The following HMGCLL1 variants were observed in gnomAD, a reference collection of about 807,000 sequenced individuals.
HMGCLL1 encodes 3-hydroxy-3-methylglutaryl-CoA lyase like 1, also known as 3-hydroxymethyl-3-methylglutaryl-CoA lyase, cytoplasmic.
Under a neutral mutation model 39.1 loss-of-function variants are expected in HMGCLL1, and 36 were observed. The ratio of observed to expected loss-of-function variants is 0.92; its 90% CI spans 0.71 to 1.22. The LOEUF is 1.22. HMGCLL1 is among the 50% of genes most tolerant of loss of function. The probability of loss-of-function intolerance (pLI) is 0.00; values close to 1 mark genes in which losing one functional copy is unlikely to be tolerated. For missense variants in HMGCLL1, 451 were observed against 416.5 expected, an observed-to-expected ratio of 1.08 and a Z score of -0.72; for synonymous variants, 149 against 144.0, an observed-to-expected ratio of 1.03 and a Z score of -0.25.
the HMGCLL1 span, among the ~76,000 whole-genome samples, chr6:55,672,606 T>TGGAATACTTTGCAAATC: frequency 6.6e-6 from 1 of 151,898 alleles, no homozygotes; most frequent in African/African-American, 2.4e-5. Context: ...AAAAGCAAAT[T>TGGAATACTTTGCAAATC]GGAATACTTT....
intron 3 of HMGCLL1, among the ~76,000 whole-genome samples, chr6:55,520,451 A>T (rs988617501): frequency 1.4e-4 from 21 of 151,956 alleles, no homozygotes; most frequent in Non-Finnish European, 1.0e-4. Context: ...TAATGAGGCC[A>T]TTCAAGAAAT....
rs181058375 is a variant in HMGCLL1, at chr6:55,477,650, T to C, written c.795+17769A>G. 4.4e-3 allele frequency among the ~76,000 whole-genome samples: 646 copies of C among 147,170 alleles called. 9 individuals carry two copies. Among genetic ancestry groups the C allele is most frequent in the Middle Eastern group, 0.021 (6 of 290 alleles). ...ATAAGTAAATATATGAGTTACAGTT[T>C]ATATATGTTATATAACCATTGAGAT... On this transcript the variant is annotated intron_variant, in intron 7 of 8. Coordinates refer to ENST00000274901, the MANE Select transcript of HMGCLL1 (RefSeq NM_001042406.2).
At chr6:55,596,696 C>T in the HMGCLL1 span, among the ~76,000 whole-genome samples, 1 of 152,284 alleles carries the variant, frequency 6.6e-6, no homozygotes, top group South Asian at 2.1e-4. Flanking sequence ...AACTATATTT[C>T]TTCATGCATT....
intron 3 of HMGCLL1, among the ~76,000 whole-genome samples, chr6:55,518,715 G>T (rs1457119505): frequency 2.0e-5 from 3 of 152,084 alleles, no homozygotes; most frequent in Non-Finnish European, 4.4e-5. Flanking sequence ...ATGTGAAGAG[G>T]AACTGAGGCC....
At chr6:55,608,371 T>C in the HMGCLL1 span, among the ~76,000 whole-genome samples, 7 of 152,156 alleles carry the variant, frequency 4.6e-5, no homozygotes, top group Non-Finnish European at 1.0e-4. Flanking sequence ...CCAGAGAGAT[T>C]TGTGGATGTT....
At chr6:55,629,740 G>C in the HMGCLL1 span, among the ~76,000 whole-genome samples, 1 of 152,120 alleles carries the variant, frequency 6.6e-6, no homozygotes, top group African/African-American at 2.4e-5. Flanking sequence ...AGACATGGCT[G>C]AAAGGGACCA....
the HMGCLL1 span, among the ~76,000 whole-genome samples, chr6:55,593,167 C>A: frequency 6.6e-6 from 1 of 151,942 alleles, no homozygotes; most frequent in African/African-American, 2.4e-5. Flanking sequence ...ATTTAAAGAC[C>A]AGGTCAAGGA....
At position 55,558,342 on chromosome 6, in the gene HMGCLL1, T is replaced by A. The variant is rs553478087; in HGVS notation, c.109-16202A>T. Among the ~76,000 whole-genome samples the A allele has an allele frequency of 2.0e-5, 3 of 152,292 alleles. No individual in the cohort carries two copies. The South Asian group carries it at 6.2e-4, about 32-fold the overall frequency. On this transcript the variant is annotated intron_variant, in intron 1 of 8. Coordinates refer to ENST00000274901, the MANE Select transcript of HMGCLL1 (RefSeq NM_001042406.2). The stretch of plus-strand genomic sequence containing the variant: ...GCACTATCACTTTTTAAAAGTAAGG[T>A]GGTTATACATCTCTGTTTGTTTGAG...
chr6:55,567,278 G>GAA (rs35530284), intron 1 of HMGCLL1, among the ~76,000 whole-genome samples: 9 of 151,176 alleles, frequency 6.0e-5, no homozygotes, highest in South Asian at 4.2e-4. Context: ...CATCAAATTT[G>GAA]AAAAAAAATG....
the HMGCLL1 span, among the ~76,000 whole-genome samples, chr6:55,624,483 A>C: frequency 1.3e-5 from 2 of 152,258 alleles, no homozygotes; most frequent in South Asian, 4.1e-4. Flanking sequence ...ATATACCTTT[A>C]CTGTCCTACC....
At chr6:55,639,871 G>T in the HMGCLL1 span, among the ~76,000 whole-genome samples, 5 of 152,052 alleles carry the variant, frequency 3.3e-5, no homozygotes, top group South Asian at 1.0e-3. Flanking sequence ...CTGAGGTCAG[G>T]AGTTCAAGAC....
At chr6:55,633,861 G>A in the HMGCLL1 span, among the ~76,000 whole-genome samples, 2 of 152,164 alleles carry the variant, frequency 1.3e-5, no homozygotes, top group African/African-American at 4.8e-5. Flanking sequence ...TGAGAAAGTA[G>A]AGGCAAAAGT....
chr6:55,632,224 T>C, the HMGCLL1 span, among the ~76,000 whole-genome samples: 1 of 151,966 alleles, frequency 6.6e-6, no homozygotes, highest in African/African-American at 2.4e-5. Flanking sequence ...CATTTCACCT[T>C]AGTAAAAGCA....
intron 1 of HMGCLL1, among the ~76,000 whole-genome samples, chr6:55,561,311 A>G (rs936164472): frequency 1.3e-5 from 2 of 152,192 alleles, no homozygotes; most frequent in Admixed American, 6.6e-5. Context: ...TAGATTCCTT[A>G]TCTAAAAGAA....
the HMGCLL1 span, among the ~76,000 whole-genome samples, chr6:55,667,561 T>G: frequency 6.6e-6 from 1 of 151,786 alleles, no homozygotes; most frequent in Non-Finnish European, 1.5e-5. Context: ...TGTTCTGTAC[T>G]CTACACATTA....
the HMGCLL1 span, among the ~76,000 whole-genome samples, chr6:55,670,103 C>T: frequency 6.6e-6 from 1 of 151,742 alleles, no homozygotes; most frequent in Non-Finnish European, 1.5e-5. Flanking sequence ...TGGTCACACA[C>T]TCAAAAAGAC....
At chr6:55,449,825 C>G (rs1043605168) in intron 7 of HMGCLL1, among the ~76,000 whole-genome samples, 1 of 152,158 alleles carries the variant, frequency 6.6e-6, no homozygotes, top group Admixed American at 6.5e-5. Flanking sequence ...AGGGAAGGAG[C>G]TGCTAACAGT....
the HMGCLL1 span, among the ~76,000 whole-genome samples, chr6:55,647,288 T>A: frequency 6.6e-6 from 1 of 152,042 alleles, no homozygotes; most frequent in African/African-American, 2.4e-5. Flanking sequence ...TATCTGTATC[T>A]CTATAGGTGA....
chr6:55,541,265 G>A (rs929122225), intron 3 of HMGCLL1, among the ~76,000 whole-genome samples: 2 of 152,076 alleles, frequency 1.3e-5, no homozygotes, highest in Admixed American at 1.3e-4. Flanking sequence ...ATTTGATGAC[G>A]TATCCCTGTT....
Sources: gnomAD v4.1 joint callset for allele counts (sites outside exome capture counted in the v4.1 genomes callset) on GRCh38, gnomAD v4.1.1 for gene constraint, MANE v1.5 for transcripts, NCBI Gene and HGNC (gene_info 2026-07-23, HGNC 2026-07-21) for gene names.